Variants in RNF220 observed in about 807,000 individuals in gnomAD.
RNF220 encodes the protein ring finger protein 220.
Under a neutral mutation model 67.1 loss-of-function variants are expected in RNF220, and 7 were observed. The ratio of observed to expected loss-of-function variants is 0.10; its 90% confidence interval spans 0.06 to 0.20. The LOEUF (loss-of-function observed/expected upper bound fraction) is 0.20. Ranked by LOEUF, RNF220 falls within the 10% of genes least tolerant of loss-of-function variation. The probability of loss-of-function intolerance (pLI) is 1.00; values close to 1 mark genes in which losing one functional copy is unlikely to be tolerated. For missense variants in RNF220, 565 were observed against 740.3 expected, an observed-to-expected ratio of 0.76 and a Z score of 2.75; for synonymous variants, 270 against 283.2, an observed-to-expected ratio of 0.95 and a Z score of 0.47.
At chr1:44,567,757 C>T (rs1010206562) in intron 2 of RNF220, among the ~76,000 whole-genome samples, 1 of 152,130 alleles carries the variant, frequency 6.6e-6, no homozygotes, top group African/African-American at 2.4e-5. Context: ...TACACTCTGA[C>T]TGGAGCTCAT....
chr1:44,484,455 G>A (rs989971077), intron 2 of RNF220, among the ~76,000 whole-genome samples: 1 of 152,082 alleles, frequency 6.6e-6, no homozygotes, highest in African/African-American at 2.4e-5. Context: ...AACTGACAAA[G>A]ACAGTAGACT....
At chr1:44,553,447 T>C (rs967662052) in intron 2 of RNF220, among the ~76,000 whole-genome samples, 8 of 152,308 alleles carry the variant, frequency 5.3e-5, no homozygotes, top group Admixed American at 5.2e-4. Flanking sequence ...CCTGACATTC[T>C]CTGAGTCTCA....
chr1:44,590,247 T>C (rs1366744422), intron 2 of RNF220, among the ~76,000 whole-genome samples: 1 of 152,188 alleles, frequency 6.6e-6, no homozygotes, highest in Admixed American at 6.5e-5. Flanking sequence ...CAATCACTCA[T>C]ATGAGGCCCT....
chr1:44,615,234 C>T (rs1163617834), intron 3 of RNF220, among the ~76,000 whole-genome samples: 1 of 152,128 alleles, frequency 6.6e-6, no homozygotes, highest in Non-Finnish European at 1.5e-5. Flanking sequence ...TTCCAGCCAA[C>T]GAGATGGAAG....
intron 2 of RNF220, among the ~76,000 whole-genome samples, chr1:44,566,835 C>T (rs76862623): frequency 0.031 from 4,684 of 152,212 alleles, 206 homozygotes; most frequent in East Asian, 0.16. Context: ...GACCTGTGGT[C>T]AAGAGGTCAC....
intron 2 of RNF220, among the ~76,000 whole-genome samples, chr1:44,549,777 G>A (rs984173058): frequency 5.3e-5 from 8 of 152,216 alleles, no homozygotes; most frequent in Non-Finnish European, 1.0e-4. Flanking sequence ...GCCTGAATGA[G>A]GGGTCTCCAG....
At chr1:44,515,228 C>A (rs1432479478) in intron 2 of RNF220, among the ~76,000 whole-genome samples, 2 of 152,154 alleles carry the variant, frequency 1.3e-5, no homozygotes, top group Admixed American at 1.3e-4. Context: ...GAATCCAGAA[C>A]ACGGGGTGGA....
intron 2 of RNF220, among the ~76,000 whole-genome samples, chr1:44,451,836 G>C (rs150823453): frequency 2.0e-5 from 3 of 152,202 alleles, no homozygotes; most frequent in African/African-American, 7.2e-5. Context: ...GGCCAGGCTG[G>C]TCTCAAACTC....
intron 12 of RNF220, among the ~76,000 whole-genome samples, chr1:44,646,716 GC>G (rs1644661333): frequency 6.6e-6 from 1 of 152,178 alleles, no homozygotes; most frequent in South Asian, 2.1e-4. Flanking sequence ...GCTGGGGGGA[GC>G]CAGGATTTCT....
chr1:44,537,690 A>ACCAATGATCACAAGTCAGGGTT (rs1661342214), intron 2 of RNF220, among the ~76,000 whole-genome samples: 1 of 152,130 alleles, frequency 6.6e-6, no homozygotes, highest in Non-Finnish European at 1.5e-5. Flanking sequence ...AACTTCCCCA[A>ACCAATGATCACAAGTCAGGGTT]CCAATGATCA....
At position 44,530,232 on chromosome 1, in the gene RNF220, G is replaced by A. The variant is rs61080663; in HGVS notation, c.626-83933G>A. On this transcript the variant is annotated intron_variant, in intron 2 of 14. Coordinates refer to ENST00000361799, the MANE Select transcript of RNF220 (RefSeq NM_018150.4). ...AAATGTATAAACACATTTCACTATAGTTGGTAATTGTGTGCCATCAGCTTT... is the reference window on the plus strand; with the variant it reads ...AAATGTATAAACACATTTCACTATAATTGGTAATTGTGTGCCATCAGCTTT... 0.019 allele frequency among the ~76,000 whole-genome samples: 2,898 copies of A among 152,198 alleles called. 195 individuals are homozygous for A. The East Asian group carries it at 0.26, about 13-fold the overall frequency.
At chr1:44,408,187 T>C (rs1647584974) in intron 1 of RNF220, among the ~76,000 whole-genome samples, 1 of 152,152 alleles carries the variant, frequency 6.6e-6, no homozygotes, top group African/African-American at 2.4e-5. Context: ...TGATTTTTTT[T>C]CCCAGTCGAG....
intron 2 of RNF220, among the ~76,000 whole-genome samples, chr1:44,485,773 C>T (rs1259406718): frequency 6.6e-6 from 1 of 152,146 alleles, no homozygotes; most frequent in Non-Finnish European, 1.5e-5. Context: ...TTAGGGCCTG[C>T]TTTATTTAAG....
rs1275409795 is a variant in RNF220, at chr1:44,621,743, C to T, written c.759-999C>T. On this transcript the variant is annotated intron_variant, in intron 3 of 14. Coordinates refer to ENST00000361799, the MANE Select transcript of RNF220 (RefSeq NM_018150.4). The surrounding 1 kb of genome is among the most constrained non-coding windows in gnomAD (Gnocchi z 4.8). ...TCCCTATGTGCCCCATGCATTCTGCCTTGGATGTGTGTCTGTGTGTTCTTC... is the reference window on the plus strand; with the variant it reads ...TCCCTATGTGCCCCATGCATTCTGCTTTGGATGTGTGTCTGTGTGTTCTTC... 6.6e-6 allele frequency among the ~76,000 whole-genome samples: 1 copy of T among 152,188 alleles called. No homozygotes were observed. Among genetic ancestry groups the T allele is most frequent in the African/African-American group, 2.4e-5 (1 of 41,428 alleles).
At chr1:44,592,526 T>C (rs1558073564) in intron 2 of RNF220, among the ~76,000 whole-genome samples, 1 of 152,318 alleles carries the variant, frequency 6.6e-6, no homozygotes, top group East Asian at 1.9e-4. Context: ...CTCGAGAGCC[T>C]GTGGGCTCCC....
At chr1:44,405,593 G>T (rs1021347774) in intron 1 of RNF220, 63 bp downstream of exon 1, 10 of 307,416 alleles carry the variant, frequency 3.3e-5, no homozygotes, top group Non-Finnish European at 2.4e-5. Context: ...GTGCGAGGGC[G>T]GCCGGCTTGT....
At chr1:44,596,500 G>T (rs166590) in intron 2 of RNF220, among the ~76,000 whole-genome samples, 121,896 of 151,614 alleles carry the variant, frequency 0.8, 49,792 homozygotes, top group Middle Eastern at 0.9. Flanking sequence ...AGGCGGAGGT[G>T]GCAGTGAGCC....
chr1:44,458,545 A>G (rs1653434089), intron 2 of RNF220, among the ~76,000 whole-genome samples: 1 of 152,200 alleles, frequency 6.6e-6, no homozygotes, highest in Non-Finnish European at 1.5e-5. Flanking sequence ...TGCCTGATAC[A>G]TAGTAAACAT....
rs978281532 is a variant in RNF220, at chr1:44,417,617, C to G, written c.625+4895C>G. Among the ~76,000 whole-genome samples the G allele has an allele frequency of 2.6e-4, 39 of 152,218 alleles. No homozygotes were observed. Among genetic ancestry groups the G allele is most frequent in the African/African-American group, 8.4e-4 (35 of 41,470 alleles). ...ATGGTGAGAAAACGGACACCGCAGC[C>G]GTCCTCCCTCCTCGCCCCGCGCCCT... On this transcript the variant is annotated intron_variant, in intron 2 of 14. Coordinates refer to ENST00000361799, the MANE Select transcript of RNF220 (RefSeq NM_018150.4). This position sits in a 1 kb window ranked among gnomAD's most constrained non-coding sequence, Gnocchi z 4.0.
Sources: allele counts gnomAD v4.1 joint callset (sites outside exome capture counted in the v4.1 genomes callset), GRCh38; gene constraint gnomAD v4.1.1; non-coding constraint Gnocchi (gnomAD v3.1); transcripts MANE v1.5; gene names NCBI Gene and HGNC (gene_info 2026-07-23, HGNC 2026-07-21).